The following EVC2 variants were observed in gnomAD, a reference collection of about 807,000 sequenced individuals.
EVC2 encodes EvC ciliary complex subunit 2.
A neutral mutation model predicts 149.3 loss-of-function variants in EVC2; 148 were observed. The observed-to-expected ratio is 0.99, with a 90% CI of 0.87 to 1.14. The LOEUF is 1.14. Among genes scored for constraint, EVC2 ranks in the 50% most tolerant of loss-of-function variants. The pLI is 0.00. For synonymous variants in EVC2, 776 were observed against 649.9 expected, an observed-to-expected ratio of 1.19 and a Z score of -2.95; for missense variants, 1,854 against 1,627.3, an observed-to-expected ratio of 1.14 and a Z score of -2.40.
At chr4:5,577,720 T>TC (rs938345800) in intron 17 of EVC2, among the ~76,000 whole-genome samples, 4 of 151,918 alleles carry the variant, frequency 2.6e-5, no homozygotes, top group East Asian at 1.9e-4. Context: ...GAACCTTCTA[T>TC]CCCCCCCAAG....
intron 20 of EVC2, among the ~76,000 whole-genome samples, chr4:5,565,973 T>C (rs1045404222): frequency 3.3e-5 from 5 of 152,192 alleles, no homozygotes; most frequent in African/African-American, 1.2e-4. Flanking sequence ...CACTGACTTA[T>C]ATACTGGCTG....
the EVC2 span, among the ~76,000 whole-genome samples, chr4:5,536,249 A>G: frequency 6.6e-6 from 1 of 152,166 alleles, no homozygotes; most frequent in Admixed American, 6.5e-5. Flanking sequence ...TCTACTTATT[A>G]TATCAGAACC....
chr4:5,586,884 T>A (rs1577121392), intron 16 of EVC2, among the ~76,000 whole-genome samples: 2 of 151,708 alleles, frequency 1.3e-5, no homozygotes, highest in Non-Finnish European at 2.9e-5. Context: ...CATCAAGACC[T>A]CCTCAGGCTG....
In EVC2 at chr4:5,697,656, T is replaced by C. The variant is rs764122309; in HGVS notation, c.229-9A>G. The C allele has an allele frequency of 4.3e-6, 7 of 1,613,670 alleles. No individual in the cohort carries two copies. In the South Asian group the frequency reaches 5.5e-5, roughly 13 times the overall value. ...ATCATACAGGGCAAGTCCTAAAAAA[T>C]TCAAGACACAAAGTCATTAATGGAA... On this transcript the variant is annotated splice_polypyrimidine_tract_variant and intron_variant, in intron 1 of 21. Transcript: ENST00000344408.
At chr4:5,583,483 CTT>C (rs1049957008) in intron 17 of EVC2, among the ~76,000 whole-genome samples, 15 of 152,036 alleles carry the variant, frequency 9.9e-5, no homozygotes, top group Non-Finnish European at 1.8e-4. Flanking sequence ...AGTTGGGTGT[CTT>C]TTGTGTGGTT....
intron 16 of EVC2, among the ~76,000 whole-genome samples, chr4:5,604,144 G>T (rs1288022413): frequency 6.6e-6 from 1 of 152,094 alleles, no homozygotes; most frequent in Non-Finnish European, 1.5e-5. Flanking sequence ...ACATGCAGAG[G>T]GTCTAGGATT....
chr4:5,648,721 G>A (rs1717903515), intron 9 of EVC2, among the ~76,000 whole-genome samples: 1 of 152,144 alleles, frequency 6.6e-6, no homozygotes, highest in African/African-American at 2.4e-5. Context: ...CCAGTTGCCT[G>A]GGAAGACAGT....
At chr4:5,702,505 C>T (rs1383389584) in intron 1 of EVC2, among the ~76,000 whole-genome samples, 1 of 152,200 alleles carries the variant, frequency 6.6e-6, no homozygotes, top group Non-Finnish European at 1.5e-5. Context: ...TGCCTCCTCC[C>T]CTTCTGATCA....
intron 9 of EVC2, among the ~76,000 whole-genome samples, chr4:5,642,024 G>A (rs1035916628): frequency 2.0e-5 from 3 of 151,578 alleles, no homozygotes; most frequent in African/African-American, 4.9e-5. Flanking sequence ...CCACTTATGA[G>A]TGAGAACATG....
chr4:5,601,520 G>GAA (rs60341202), intron 16 of EVC2, among the ~76,000 whole-genome samples: 2 of 136,520 alleles, frequency 1.5e-5, no homozygotes, highest in Admixed American at 7.4e-5. Context: ...TAAAAAAAAG[G>GAA]AAAAAAAAAA....
chr4:5,698,152 G>C lies in EVC2; in HGVS notation c.229-505C>G, dbSNP rs373692707. Among the ~76,000 whole-genome samples the C allele has an allele frequency of 4.6e-5, 7 of 152,246 alleles. No individual in the cohort carries two copies. In the South Asian group the frequency reaches 1.5e-3, roughly 32 times the overall value. On this transcript the variant is annotated intron_variant, in intron 1 of 21. Transcript: ENST00000344408. ...AATTCCCTTCTCTTTCCCAGGGAGAGAATCAGCGCCCTCATGAATGCATTT... is the reference window on the plus strand; with the variant it reads ...AATTCCCTTCTCTTTCCCAGGGAGACAATCAGCGCCCTCATGAATGCATTT...
chr4:5,624,407 G>C (rs1347547719), intron 13 of EVC2, among the ~76,000 whole-genome samples: 1 of 152,166 alleles, frequency 6.6e-6, no homozygotes, highest in Admixed American at 6.5e-5. Context: ...ATGTTCATGG[G>C]TCCTGGTAAC....
chr4:5,684,246 T>C (rs1340664421), intron 6 of EVC2, among the ~76,000 whole-genome samples: 1 of 152,220 alleles, frequency 6.6e-6, no homozygotes, highest in African/African-American at 2.4e-5. Context: ...GTCAATTTCT[T>C]GAATCTTGTA....
In EVC2 at chr4:5,627,164, C is replaced by T. The variant is rs552613165; in HGVS notation, c.1887-1256G>A. Among the ~76,000 whole-genome samples, 386 of 152,306 alleles carry T rather than the reference C, an allele frequency of 2.5e-3. 5 individuals are homozygous for T. Among genetic ancestry groups the T allele is most frequent in the African/African-American group, 8.5e-3 (353 of 41,562 alleles). ...TTCCTAGACTGCCTGCATCCCTGGG[C>T]TGAGTCCCCAGCTTGGCCCAGGGAA... On this transcript the variant is annotated intron_variant, in intron 12 of 21. Coordinates refer to ENST00000344408, the MANE Select transcript of EVC2 (RefSeq NM_147127.5).
chr4:5,706,072 C>G (rs1342194428), intron 1 of EVC2, among the ~76,000 whole-genome samples: 1 of 152,020 alleles, frequency 6.6e-6, no homozygotes, highest in Non-Finnish European at 1.5e-5. Flanking sequence ...GGGCCACACC[C>G]ATGACGATTC....
intron 16 of EVC2, among the ~76,000 whole-genome samples, chr4:5,593,854 G>T (rs1034038799): frequency 5.9e-5 from 9 of 152,128 alleles, no homozygotes; most frequent in African/African-American, 1.9e-4. Context: ...GGAAAATTGG[G>T]TCACTCCCAC....
intron 16 of EVC2, among the ~76,000 whole-genome samples, chr4:5,603,677 A>G (rs1378376801): frequency 2.0e-5 from 3 of 152,320 alleles, no homozygotes; most frequent in Non-Finnish European, 4.4e-5. Context: ...TGAATGGTGC[A>G]TGCACGACAC....
intron 13 of EVC2, among the ~76,000 whole-genome samples, chr4:5,624,191 A>T (rs1328980236): frequency 1.3e-5 from 2 of 152,182 alleles, no homozygotes; most frequent in Non-Finnish European, 2.9e-5. Flanking sequence ...GTGGTGGGAA[A>T]AAAATTGAGA....
At chr4:5,563,199 C>G in intron 21 of EVC2, 84 bp from the exon 22 acceptor site, 1 of 1,377,354 alleles carries the variant, frequency 7.3e-7, no homozygotes, top group Non-Finnish European at 1.0e-6. Flanking sequence ...AGAATCCCTC[C>G]TTGGGTCCTG....
Sources: allele counts gnomAD v4.1 joint callset (sites outside exome capture counted in the v4.1 genomes callset), GRCh38; gene constraint gnomAD v4.1.1; transcripts MANE v1.5; gene names NCBI Gene and HGNC (gene_info 2026-07-23, HGNC 2026-07-21).